Variants in PROM1 observed in about 807,000 individuals in gnomAD.
The protein encoded by PROM1 is prominin-1.
In PROM1, 105 loss-of-function variants were observed where a neutral mutation model predicts 116.9. The ratio of observed to expected loss-of-function variants is 0.90; its 90% CI spans 0.77 to 1.06. The LOEUF (loss-of-function observed/expected upper bound fraction) is 1.06. Among genes scored for constraint, PROM1 ranks in the 50% least tolerant of loss-of-function variants. The probability of loss-of-function intolerance (pLI) is 0.00; values close to 1 mark genes in which losing one functional copy is unlikely to be tolerated. For synonymous variants in PROM1, 393 were observed against 387.0 expected, an observed-to-expected ratio of 1.02 and a Z score of -0.18; for missense variants, 1,122 against 1,045.2, an observed-to-expected ratio of 1.07 and a Z score of -1.01.
At chr4:16,067,027 T>G (rs986338353) in intron 2 of PROM1, among the ~76,000 whole-genome samples, 4 of 152,194 alleles carry the variant, frequency 2.6e-5, no homozygotes, top group Non-Finnish European at 5.9e-5. Context: ...GACTGCCCTA[T>G]GAAAGTGAAG....
intron 4 of PROM1, among the ~76,000 whole-genome samples, chr4:16,034,259 G>A (rs1346115468): frequency 6.6e-5 from 10 of 152,128 alleles, no homozygotes; most frequent in Admixed American, 6.6e-4. Flanking sequence ...TTAGAAAAAA[G>A]GCTCAGACTC....
intron 11 of PROM1, among the ~76,000 whole-genome samples, chr4:16,011,078 T>C (rs902755494): frequency 2.6e-5 from 4 of 152,172 alleles, no homozygotes. Flanking sequence ...CTAGGGCCCC[T>C]GCCTGCTTCT....
intron 3 of PROM1, among the ~76,000 whole-genome samples, chr4:16,036,472 G>A (rs1343538094): frequency 3.3e-5 from 5 of 152,140 alleles, no homozygotes. Flanking sequence ...ACCTGCCTCT[G>A]GGGTCACACA....
chr4:16,057,738 A>G (rs894491751), intron 2 of PROM1, among the ~76,000 whole-genome samples: 9 of 152,172 alleles, frequency 5.9e-5, no homozygotes, highest in Non-Finnish European at 1.2e-4. Context: ...ATTTCTATTT[A>G]TATCTACCTA....
At chr4:16,077,493 C>G (rs1470106921) in intron 1 of PROM1, among the ~76,000 whole-genome samples, 1 of 152,150 alleles carries the variant, frequency 6.6e-6, no homozygotes, top group Non-Finnish European at 1.5e-5. Context: ...AGGATGGATC[C>G]TCCGTACGCT....
chr4:16,045,740 T>C (rs1198899582), intron 2 of PROM1, among the ~76,000 whole-genome samples: 1 of 152,156 alleles, frequency 6.6e-6, no homozygotes, highest in Non-Finnish European at 1.5e-5. Context: ...TTTTAAGACA[T>C]CTTCACTGAA....
At chr4:16,018,660 C>T in intron 8 of PROM1, 120 bp from the exon 9 acceptor site, 2 of 825,202 alleles carry the variant, frequency 2.4e-6, no homozygotes, top group East Asian at 2.7e-5. Flanking sequence ...GAGAGGGACA[C>T]ACTGCAAGGG....
chr4:16,048,553 A>G (rs1578207180), intron 2 of PROM1, among the ~76,000 whole-genome samples: 1 of 152,144 alleles, frequency 6.6e-6, no homozygotes, highest in Non-Finnish European at 1.5e-5. Context: ...ATAACAAAGT[A>G]CCCTGGAGAG....
At chr4:16,025,462 C>A (rs1201015923) in intron 5 of PROM1, 150 bp from the exon 6 acceptor site, 3 of 1,013,774 alleles carry the variant, frequency 3.0e-6, no homozygotes, top group Non-Finnish European at 2.8e-6. Flanking sequence ...ACATCCTTCC[C>A]ACCGCCATCC....
Position 16,024,320 on chromosome 4 carries a change from C to T in PROM1, c.669G>A (p.Lys223=), listed in dbSNP as rs1348856030. 1.2e-6 allele frequency: 2 copies of T among 1,613,496 alleles called. No individual in the cohort carries two copies. Among genetic ancestry groups the T allele is most frequent in the African/African-American group, 2.7e-5 (2 of 74,896 alleles). ...TGTTCAGATCTGTGAACGCCTTGTC[C>T]TTGGTAGTGTTGTACTGGGCCAATA... The part of the protein sequence containing the change: ...KYILAQYNTT[K]DKAFTDLNSI... The change falls in exon 7 of 28, where the codon AAG becomes AAA. Residue 223 remains lysine, a synonymous_variant. Coordinates refer to ENST00000447510, the MANE Select transcript of PROM1 (RefSeq NM_006017.3).
chr4:16,006,604 TAGCCGCACACGCCAC>T lies in PROM1; in HGVS notation c.1373_1387del (p.Cys458_Gly462del). 4 of 1,609,656 alleles carry T rather than the reference TAGCCGCACACGCCAC, an allele frequency of 2.5e-6. No individual in the cohort carries two copies. Among genetic ancestry groups the T allele is most frequent in the Non-Finnish European group, 3.4e-6 (4 of 1,178,192 alleles). ...GGTGGTCGGGGTGGCATGCCTGTCA[TAGCCGCACACGCCAC>T]ACAGTAAGCCCAGGTAGTAAAAAAT... On this transcript the variant is annotated inframe_deletion, in exon 13 of 28. Transcript: ENST00000447510.
chr4:15,985,560 G>A lies in PROM1; in HGVS notation c.2280+200C>T, dbSNP rs1291327812. 7.9e-5 allele frequency: 46 copies of A among 581,882 alleles called. 1 individual carries two copies. Among genetic ancestry groups the A allele is most frequent in the Non-Finnish European group, 1.3e-4 (44 of 334,656 alleles). 36.0% of individuals were successfully genotyped at this position (581,882 alleles called of 1,614,324 possible). The stretch of plus-strand genomic sequence containing the variant: ...TGGAAGAACTGCATATGGCAAAGGT[G>A]AGCAAAGGGGACCAGGAGGTGGCTG... On this transcript the variant is annotated intron_variant, in intron 22 of 27. Coordinates refer to ENST00000447510, the MANE Select transcript of PROM1 (RefSeq NM_006017.3).
intron 18 of PROM1, among the ~76,000 whole-genome samples, chr4:15,990,589 T>A (rs146712924): frequency 6.6e-5 from 10 of 152,060 alleles, no homozygotes; most frequent in Admixed American, 3.3e-4. Flanking sequence ...TGGAAACAGA[T>A]CCAGAGCTAA....
Position 15,989,704 on chromosome 4 carries a change from TG to T in PROM1, c.2076+27del, listed in dbSNP as rs774648298. 2.6e-6 allele frequency: 4 copies of T among 1,542,630 alleles called. No individual in the cohort carries two copies. The Admixed American group carries it at 7.3e-5, about 28-fold the overall frequency. ...GCAGTAGATTTTGCTCAGGTCACAG[TG>T]AAATACAATACGTCGTTGACTGTTA... On this transcript the variant is annotated intron_variant, in intron 19 of 27. Coordinates refer to ENST00000447510, the MANE Select transcript of PROM1 (RefSeq NM_006017.3).
chr4:15,999,943 G>A (rs71649933), intron 14 of PROM1, among the ~76,000 whole-genome samples: 22,214 of 152,232 alleles, frequency 0.15, 1,989 homozygotes, highest in Middle Eastern at 0.24. Flanking sequence ...CTGGTCCCCC[G>A]GAGTCGGTGG....
chr4:16,045,373 G>A (rs1578194325), intron 2 of PROM1, among the ~76,000 whole-genome samples: 1 of 152,156 alleles, frequency 6.6e-6, no homozygotes, highest in East Asian at 1.9e-4. Flanking sequence ...AAGCCCAAGT[G>A]GCTGGCAGAA....
intron 1 of PROM1, chr4:16,080,832 A>T (rs73798832): frequency 6.6e-6 from 1 of 152,198 alleles, no homozygotes; most frequent in Non-Finnish European, 1.5e-5. Context: ...GCGCACTCTG[A>T]AGCAGGACAG....
intron 6 of PROM1, 33 bp downstream of exon 6, chr4:16,025,159 A>G: frequency 6.3e-7 from 1 of 1,592,930 alleles, no homozygotes; most frequent in Non-Finnish European, 8.6e-7. Flanking sequence ...AAAAATATAA[A>G]GCATCGCGGT....
At chr4:16,052,120 T>A (rs1738020684) in intron 2 of PROM1, among the ~76,000 whole-genome samples, 2 of 152,216 alleles carry the variant, frequency 1.3e-5, no homozygotes. Flanking sequence ...CCACAGCCAG[T>A]GTGGAGATGA....
Sources: allele counts gnomAD v4.1 joint callset (sites outside exome capture counted in the v4.1 genomes callset), GRCh38; gene constraint gnomAD v4.1.1; transcripts MANE v1.5; gene names NCBI Gene and HGNC (gene_info 2026-07-23, HGNC 2026-07-21).